Variants in SMS observed in about 807,000 individuals in gnomAD.
SMS encodes the protein spermine synthase.
SMS carries 3 observed loss-of-function variants against 33.0 expected under a neutral mutation model. That is an observed-to-expected ratio of 0.09 (90% confidence interval 0.04 to 0.23). SMS has a LOEUF of 0.23. SMS is among the 10% of genes least tolerant of loss of function. SMS has a pLI of 1.00. For missense variants in SMS, 117 were observed against 288.6 expected (o/e 0.41, Z 4.31); for synonymous variants, 103 against 112.2 (o/e 0.92, Z 0.52).
At chrX:21,970,627 G>GGTGC (rs1032414580) in intron 2 of SMS, among the ~76,000 whole-genome samples, 5 of 110,127 alleles carry the variant, frequency 4.5e-5, no homozygotes, top group African/African-American at 1.7e-4. Context: ...GGAGTGCAGT[G>GGTGC]GTGCGATCAT....
Position 21,967,065 on chromosome X carries a change from TTTATTTATTTATTTATTTATTTATTTAC to T in SMS, c.50-116_50-89del, listed in dbSNP as rs1477676387. On this transcript the variant is annotated intron_variant, in intron 1 of 10. Coordinates refer to ENST00000404933, the MANE Select transcript of SMS (RefSeq NM_004595.5). ...GTTCAGGTTTTTTAATTTTTATTTATTTATTTATTTATTTATTTATTTATTTACTTATTTATTTATTTTTAAGCTCAGT... is the reference window on the plus strand; with the variant it reads ...GTTCAGGTTTTTTAATTTTTATTTATTTATTTATTTATTTTTAAGCTCAGT... 1.1e-4 allele frequency: 29 copies of T among 270,077 alleles called. 1 individual carries two copies. Among genetic ancestry groups the T allele is most frequent in the Admixed American group, 2.0e-4 (2 of 10,249 alleles). The allele number at this position is 270,077 out of a possible 1,213,427, so 22.3% of individuals were successfully genotyped here. A position where few individuals can be genotyped will look rare whatever the true frequency, so the allele number is the denominator to read the frequency against.
chrX:21,982,147 CAT>C (rs1924994155), intron 7 of SMS, among the ~76,000 whole-genome samples: 1 of 108,506 alleles, frequency 9.2e-6, no homozygotes, highest in African/African-American at 3.4e-5. Flanking sequence ...TCCTGGCTAA[CAT>C]AGTGAAACCC....
At chrX:21,953,871 G>T (rs1458729648) in intron 1 of SMS, among the ~76,000 whole-genome samples, 1 of 90,381 alleles carries the variant, frequency 1.1e-5, no homozygotes, top group African/African-American at 4.1e-5. Context: ...TTCTCCTCTA[G>T]TTTTTATCAA....
chrX:21,987,556 C>T (rs1013358421), intron 9 of SMS, among the ~76,000 whole-genome samples: 4 of 112,487 alleles, frequency 3.6e-5, no homozygotes, highest in African/African-American at 1.3e-4. Context: ...CTCCTAGATT[C>T]GAGTAATCCT....
intron 1 of SMS, among the ~76,000 whole-genome samples, chrX:21,954,388 A>G (rs539606049): frequency 8.9e-6 from 1 of 112,293 alleles, no homozygotes; most frequent in African/African-American, 3.2e-5. Flanking sequence ...CTGCCTTTAG[A>G]CCATCTAGGT....
intron 1 of SMS, among the ~76,000 whole-genome samples, chrX:21,953,023 A>G (rs1345841349): frequency 1.8e-5 from 2 of 109,145 alleles, no homozygotes; most frequent in African/African-American, 6.7e-5. Context: ...TTGGCCTCCC[A>G]AAGTACTGGG....
chrX:21,978,764 T>C (rs961093367), intron 6 of SMS, 113 bp from the exon 7 acceptor site: 4 of 575,917 alleles, frequency 6.9e-6, no homozygotes, highest in Non-Finnish European at 1.2e-5. Context: ...TTGTTAAATT[T>C]GTGATACCCA....
chrX:21,991,503 A>T (rs1925758203), intron 9 of SMS, among the ~76,000 whole-genome samples: 1 of 112,140 alleles, frequency 8.9e-6, no homozygotes, highest in African/African-American at 3.2e-5. Flanking sequence ...TAAGAAACGG[A>T]ATCAGCCACC....
At chrX:21,988,876 C>G (rs1377380953) in intron 9 of SMS, among the ~76,000 whole-genome samples, 2 of 109,744 alleles carry the variant, frequency 1.8e-5, no homozygotes, top group Non-Finnish European at 1.9e-5. Flanking sequence ...CAAAGTGGGC[C>G]AATAGAATTT....
chrX:21,971,792 TAAAG>T, intron 2 of SMS, 101 bp from the exon 3 acceptor site: 1 of 574,847 alleles, frequency 1.7e-6, no homozygotes, highest in Non-Finnish European at 3.0e-6. Flanking sequence ...TTTGGGGAAA[TAAAG>T]AGCAGTGGTC....
chrX:21,976,743 T>TA (rs1924556779), intron 4 of SMS, among the ~76,000 whole-genome samples: 2 of 111,927 alleles, frequency 1.8e-5, no homozygotes, highest in Admixed American at 1.9e-4. Flanking sequence ...TCCATGTAGT[T>TA]ATGTAGATAG....
chrX:21,991,380 T>C (rs900697811), intron 9 of SMS, among the ~76,000 whole-genome samples: 6 of 110,908 alleles, frequency 5.4e-5, no homozygotes, highest in African/African-American at 2.0e-4. Context: ...GGTTTCACCA[T>C]GTTGGCCAGG....
intron 1 of SMS, among the ~76,000 whole-genome samples, chrX:21,958,122 C>T (rs1239608377): frequency 9.0e-6 from 1 of 111,350 alleles, no homozygotes; most frequent in African/African-American, 3.3e-5. Context: ...TAATTAGGTC[C>T]TATTTATTTA....
intron 1 of SMS, among the ~76,000 whole-genome samples, chrX:21,957,001 A>G (rs1461653603): frequency 9.0e-6 from 1 of 111,722 alleles, no homozygotes; most frequent in Non-Finnish European, 1.9e-5. Flanking sequence ...GACAGTGCCT[A>G]CACACCGCAG....
At chrX:21,970,885 CTG>C (rs983184977) in intron 2 of SMS, among the ~76,000 whole-genome samples, 1 of 109,788 alleles carries the variant, frequency 9.1e-6, no homozygotes, top group Non-Finnish European at 1.9e-5. Context: ...AATAACACAT[CTG>C]TGTAAATGCA....
chrX:21,945,633 GT>G (rs1922163358), intron 1 of SMS, among the ~76,000 whole-genome samples: 1 of 49,713 alleles, frequency 2.0e-5, no homozygotes, highest in South Asian at 9.0e-4. Context: ...TTTGCTTCCC[GT>G]CCCCCCCCCC....
chrX:21,975,464 T>A (rs1223395543), intron 4 of SMS, among the ~76,000 whole-genome samples: 1 of 111,519 alleles, frequency 9.0e-6, no homozygotes, highest in African/African-American at 3.3e-5. Flanking sequence ...GGTGGCTGGC[T>A]GTCAAGGAGA....
intron 9 of SMS, among the ~76,000 whole-genome samples, chrX:21,985,776 T>C (rs759398649): frequency 8.9e-6 from 1 of 111,866 alleles, no homozygotes; most frequent in Non-Finnish European, 1.9e-5. Flanking sequence ...TCTGAATTAT[T>C]CTGAGTTTAC....
intron 9 of SMS, among the ~76,000 whole-genome samples, chrX:21,987,396 A>G (rs1484547521): frequency 8.9e-6 from 1 of 111,918 alleles, no homozygotes; most frequent in East Asian, 2.8e-4. Context: ...GCAGTGGCAC[A>G]GTGGCACTCA....
Sources: allele counts gnomAD v4.1 joint callset (sites outside exome capture counted in the v4.1 genomes callset), GRCh38; gene constraint gnomAD v4.1.1; transcripts MANE v1.5; gene names NCBI Gene and HGNC (gene_info 2026-07-23, HGNC 2026-07-21).